TRIQK: variants seen among roughly 807,000 people sequenced by gnomAD.
The protein encoded by TRIQK is triple QxxK/R motif containing, also known as triple QxxK/R motif-containing protein.
TRIQK carries 10 observed loss-of-function variants against 10.8 expected under a neutral mutation model. That is an observed-to-expected ratio of 0.92 (90% CI 0.57 to 1.57). The LOEUF (loss-of-function observed/expected upper bound fraction) is 1.57, where lower values mean the gene tolerates loss of function less well. Ranked by LOEUF, TRIQK falls within the 40% of genes most tolerant of loss-of-function variation. The probability of loss-of-function intolerance (pLI) is 0.00; values close to 1 mark genes in which losing one functional copy is unlikely to be tolerated. For missense variants in TRIQK, 107 were observed against 97.7 expected, an observed-to-expected ratio of 1.09 and a Z score of -0.40; for synonymous variants, 33 against 33.7, an observed-to-expected ratio of 0.98 and a Z score of 0.07.
chr8:92,917,154 C>T (rs997583163), intron 2 of TRIQK, 144 bp from the exon 3 acceptor site: 3 of 406,762 alleles, frequency 7.4e-6, no homozygotes, highest in African/African-American at 6.2e-5. Context: ...ATAAAGAAAA[C>T]AAAATTCTTT....
chr8:92,988,681 T>G (rs995549757), intron 1 of TRIQK, among the ~76,000 whole-genome samples: 2 of 152,216 alleles, frequency 1.3e-5, no homozygotes, highest in African/African-American at 4.8e-5. Flanking sequence ...AGATTGCAGA[T>G]TTCCAAGATC....
intron 1 of TRIQK, among the ~76,000 whole-genome samples, chr8:92,985,953 A>G (rs1813027210): frequency 6.6e-6 from 1 of 152,200 alleles, no homozygotes; most frequent in Non-Finnish European, 1.5e-5. Flanking sequence ...ATTTACAACG[A>G]CTAATTAAAG....
intron 2 of TRIQK, among the ~76,000 whole-genome samples, chr8:92,924,327 G>C (rs1031451782): frequency 2.6e-5 from 4 of 151,922 alleles, no homozygotes; most frequent in African/African-American, 9.7e-5. Flanking sequence ...ACATTTCCTA[G>C]ATAAAGCAAA....
In TRIQK at chr8:92,944,640, C is replaced by T. The variant is rs1282569242; in HGVS notation, c.-22+9766G>A. On this transcript the variant is annotated intron_variant, in intron 2 of 4. Coordinates refer to ENST00000521988, the MANE Select transcript of TRIQK (RefSeq NM_001171797.2). ...GACAGCTACAGCATGATCTCACTTACATGTGGAATCTAAAGAAGTTGACGT... is the reference window on the plus strand; with the variant it reads ...GACAGCTACAGCATGATCTCACTTATATGTGGAATCTAAAGAAGTTGACGT... Among the ~76,000 whole-genome samples the T allele has an allele frequency of 3.9e-5, 6 of 152,084 alleles. No homozygotes were observed. In the East Asian group the frequency reaches 1.2e-3, roughly 29 times the overall value.
intron 1 of TRIQK, among the ~76,000 whole-genome samples, chr8:93,016,730 T>C (rs963405604): frequency 5.3e-5 from 8 of 152,096 alleles, no homozygotes; most frequent in African/African-American, 1.7e-4. Context: ...CAGTGAGCAC[T>C]GGATGGGTGA....
At chr8:92,915,361 CCA>C (rs1025959622) in intron 3 of TRIQK, among the ~76,000 whole-genome samples, 1 of 152,026 alleles carries the variant, frequency 6.6e-6, no homozygotes, top group African/African-American at 2.4e-5. Flanking sequence ...AGGACTCTTA[CCA>C]CACACAGAAA....
chr8:92,903,424 T>C (rs1176971727), intron 3 of TRIQK, among the ~76,000 whole-genome samples: 2 of 151,960 alleles, frequency 1.3e-5, no homozygotes, highest in Non-Finnish European at 2.9e-5. Flanking sequence ...GTGTTTTTGA[T>C]AATTAAATGC....
chr8:92,931,917 T>G lies in TRIQK; in HGVS notation c.-21-14907A>C, dbSNP rs559252834. On this transcript the variant is annotated intron_variant, in intron 2 of 4. Coordinates refer to ENST00000521988, the MANE Select transcript of TRIQK (RefSeq NM_001171797.2). Reference sequence around the variant, plus strand: ...AATGGCAAGTCTTCTTTTAAAATACTGCATTTCAGAAAACAGATTAATATT... The same window carrying G: ...AATGGCAAGTCTTCTTTTAAAATACGGCATTTCAGAAAACAGATTAATATT... Among the ~76,000 whole-genome samples the G allele has an allele frequency of 2.1e-3, 323 of 152,316 alleles. 4 individuals carry two copies. Among genetic ancestry groups the G allele is most frequent in the African/African-American group, 7.6e-3 (314 of 41,572 alleles).
At chr8:92,962,665 ACTT>A (rs1429910231) in intron 1 of TRIQK, among the ~76,000 whole-genome samples, 15 of 152,286 alleles carry the variant, frequency 9.8e-5, no homozygotes, top group South Asian at 4.1e-4. Flanking sequence ...CTCAGATCCC[ACTT>A]CTTCTTCACA....
intron 2 of TRIQK, among the ~76,000 whole-genome samples, chr8:92,932,356 A>T (rs574500392): frequency 1.3e-5 from 2 of 152,220 alleles, no homozygotes; most frequent in African/African-American, 2.4e-5. Context: ...TCCTTTAACT[A>T]GCAAGTTTCT....
At chr8:92,985,239 T>C (rs985148995) in intron 1 of TRIQK, among the ~76,000 whole-genome samples, 19 of 138,346 alleles carry the variant, frequency 1.4e-4, no homozygotes, top group Non-Finnish European at 2.2e-4. Context: ...TGTGTGTGTG[T>C]GCACGCGCAC....
chr8:92,924,802 T>G (rs1157980962), intron 2 of TRIQK, among the ~76,000 whole-genome samples: 1 of 152,018 alleles, frequency 6.6e-6, no homozygotes, highest in Non-Finnish European at 1.5e-5. Flanking sequence ...AATAGTATTA[T>G]CATATTGTCA....
chr8:92,996,185 G>A (rs758108127), intron 1 of TRIQK, among the ~76,000 whole-genome samples: 14 of 151,698 alleles, frequency 9.2e-5, no homozygotes, highest in Non-Finnish European at 1.5e-4. Context: ...TCTTTTTTGT[G>A]GTCTGCAAGA....
chr8:92,966,846 C>T (rs1296028456), upstream of TRIQK, among the ~76,000 whole-genome samples: 1 of 151,956 alleles, frequency 6.6e-6, no homozygotes, highest in East Asian at 1.9e-4. Context: ...TTGTGGTGAA[C>T]TAAATCTAAA....
At chr8:92,935,428 G>T (rs144996137) in intron 2 of TRIQK, among the ~76,000 whole-genome samples, 1 of 151,568 alleles carries the variant, frequency 6.6e-6, no homozygotes, top group Non-Finnish European at 1.5e-5. Flanking sequence ...TTTTGTGCAC[G>T]TTCCTTTATG....
At chr8:92,990,713 ACTCCGGCCCCAGGTAGTATG>A (rs1334472379) in intron 1 of TRIQK, among the ~76,000 whole-genome samples, 1 of 152,022 alleles carries the variant, frequency 6.6e-6, no homozygotes, top group Non-Finnish European at 1.5e-5. Flanking sequence ...AGGATGGTGC[ACTCCGGCCCCAGGTAGTATG>A]CTTTTCCCAT....
intron 2 of TRIQK, among the ~76,000 whole-genome samples, chr8:92,947,320 C>T (rs1399490245): frequency 2.6e-5 from 4 of 151,452 alleles, no homozygotes; most frequent in East Asian, 2.0e-4. Flanking sequence ...CGGTGGCTCA[C>T]GCCTGTAATC....
chr8:92,950,259 G>A (rs748268374), intron 2 of TRIQK, among the ~76,000 whole-genome samples: 1 of 152,042 alleles, frequency 6.6e-6, no homozygotes, highest in Non-Finnish European at 1.5e-5. Flanking sequence ...GAGTGCTGTG[G>A]TGTATTTCAA....
At chr8:92,969,503 T>C (rs1214917396), upstream of TRIQK, among the ~76,000 whole-genome samples, 3 of 151,864 alleles carry the variant, frequency 2.0e-5, no homozygotes, top group Admixed American at 1.3e-4. Context: ...ATTCTGAAAT[T>C]ATGGAATGCA....
Sources: gnomAD v4.1 joint callset for allele counts (sites outside exome capture counted in the v4.1 genomes callset) on GRCh38, gnomAD v4.1.1 for gene constraint, MANE v1.5 for transcripts, NCBI Gene and HGNC (gene_info 2026-07-23, HGNC 2026-07-21) for gene names.